Variants in RUNX1 observed in about 807,000 individuals in gnomAD.
The protein encoded by RUNX1 is RUNX family transcription factor 1, also known as runt-related transcription factor 1.
Under a neutral mutation model 42.8 loss-of-function variants are expected in RUNX1, and 19 were observed. The ratio of observed to expected loss-of-function variants is 0.44; its 90% CI spans 0.31 to 0.65. The LOEUF is 0.65. Among genes scored for constraint, RUNX1 ranks in the 30% least tolerant of loss-of-function variants. The pLI is 0.07. For missense variants in RUNX1, 528 were observed against 672.0 expected, an observed-to-expected ratio of 0.79 and a Z score of 2.37; for synonymous variants, 271 against 289.4, an observed-to-expected ratio of 0.94 and a Z score of 0.64.
intron 7 of RUNX1, among the ~76,000 whole-genome samples, chr21:34,813,541 T>C (rs2056785331): frequency 6.6e-6 from 1 of 151,910 alleles, no homozygotes; most frequent in African/African-American, 2.4e-5. Context: ...TCCATCCCCA[T>C]GTAAGGTTTA....
chr21:35,019,101 C>T (rs971662967), intron 2 of RUNX1, among the ~76,000 whole-genome samples: 2 of 152,200 alleles, frequency 1.3e-5, no homozygotes, highest in African/African-American at 4.8e-5. Context: ...CTTAGATTGG[C>T]CTGGGCTAAC....
chr21:34,982,761 G>A (rs933998749), intron 2 of RUNX1, among the ~76,000 whole-genome samples: 37 of 152,038 alleles, frequency 2.4e-4, no homozygotes, highest in African/African-American at 8.5e-4. Context: ...GTAGAGACGG[G>A]GTTTCACCAT....
chr21:35,027,096 G>T (rs2146961985), intron 2 of RUNX1, among the ~76,000 whole-genome samples: 1 of 152,280 alleles, frequency 6.6e-6, no homozygotes, highest in East Asian at 1.9e-4. Context: ...AAACTCTGCA[G>T]GTGCAGCCGC....
intron 7 of RUNX1, among the ~76,000 whole-genome samples, chr21:34,803,665 ATTTTGTGATGGGTTATTTTCAGC>A (rs1227302527): frequency 6.6e-6 from 1 of 152,170 alleles, no homozygotes; most frequent in Non-Finnish European, 1.5e-5. Flanking sequence ...TACTGAGGCC[ATTTTGTGATGGGTTATTTTCAGC>A]TTTTTAATCA....
intron 2 of RUNX1, among the ~76,000 whole-genome samples, chr21:34,982,663 G>A (rs898790495): frequency 3.3e-5 from 5 of 152,108 alleles, no homozygotes; most frequent in South Asian, 2.1e-4. Context: ...TCCGCCACCC[G>A]GGTTCAAGTG....
At chr21:34,951,356 C>G (rs1489917210) in intron 2 of RUNX1, among the ~76,000 whole-genome samples, 1 of 152,186 alleles carries the variant, frequency 6.6e-6, no homozygotes, top group Non-Finnish European at 1.5e-5. Flanking sequence ...TATGGAAGCT[C>G]TTTAGTTTAA....
At position 34,789,462 on chromosome 21, in the gene RUNX1, C is replaced by T. The variant is rs957495209; in HGVS notation, c.*2673G>A. ...AGAAATGGCTTATTCAATACTTCTC[C>T]TGGACCAGACACATGCAGTTATTAC... is the stretch of plus-strand genomic sequence containing the variant. On this transcript the variant is annotated 3_prime_UTR_variant, in exon 9 of 9. Coordinates refer to ENST00000675419, the MANE Select transcript of RUNX1 (RefSeq NM_001754.5). 8.6e-6 allele frequency: 2 copies of T among 233,490 alleles called. No individual in the cohort carries two copies. The highest frequency in any genetic ancestry group is 4.4e-5 in the African/African-American group (2 of 45,304). The allele number at this position is 233,490 out of a possible 1,614,324, so 14.5% of individuals were successfully genotyped here.
chr21:34,988,797 G>C (rs975709161), intron 2 of RUNX1, among the ~76,000 whole-genome samples: 2 of 152,160 alleles, frequency 1.3e-5, no homozygotes, highest in African/African-American at 4.8e-5. Flanking sequence ...TGCACATGAG[G>C]TTGTTTGAGA....
intron 6 of RUNX1, among the ~76,000 whole-genome samples, chr21:34,853,064 G>A (rs1182139417): frequency 6.6e-6 from 1 of 152,180 alleles, no homozygotes; most frequent in African/African-American, 2.4e-5. Flanking sequence ...CCACTACTCT[G>A]CAGGTCACTC....
chr21:35,043,896 C>T (rs2059378051), intron 2 of RUNX1, among the ~76,000 whole-genome samples: 1 of 152,132 alleles, frequency 6.6e-6, no homozygotes, highest in Non-Finnish European at 1.5e-5. Flanking sequence ...GCCCAGAGAA[C>T]CTGCTCAAAG....
chr21:34,888,775 G>T (rs909972908), intron 3 of RUNX1: 1 of 807,982 alleles, frequency 1.2e-6, no homozygotes, highest in Non-Finnish European at 1.5e-6. Context: ...GCATAGGGGC[G>T]GCCGGCGGCC....
At chr21:35,031,071 G>A (rs1205127583) in intron 2 of RUNX1, among the ~76,000 whole-genome samples, 3 of 152,180 alleles carry the variant, frequency 2.0e-5, no homozygotes, top group South Asian at 2.1e-4. Context: ...AGAGATGGCC[G>A]GGTGCGGTGG....
At chr21:34,794,549 C>T (rs916593208) in intron 8 of RUNX1, among the ~76,000 whole-genome samples, 1 of 152,200 alleles carries the variant, frequency 6.6e-6, no homozygotes, top group African/African-American at 2.4e-5. Context: ...AAAGCTTTGT[C>T]TCTAAAACTC....
chr21:34,887,600 C>T (rs2058017707), intron 3 of RUNX1: 6 of 1,089,956 alleles, frequency 5.5e-6, no homozygotes, highest in Non-Finnish European at 6.7e-6. Flanking sequence ...AATTATCTCC[C>T]GTAACAAGGC....
chr21:34,946,944 T>G (rs1433348628), intron 2 of RUNX1, among the ~76,000 whole-genome samples: 1 of 152,226 alleles, frequency 6.6e-6, no homozygotes, highest in Non-Finnish European at 1.5e-5. Flanking sequence ...CCCTTGGGTC[T>G]GTAATGAGCT....
rs757021981 is a variant in RUNX1, at chr21:34,928,953, A to G, written c.59-35990T>C. On this transcript the variant is annotated intron_variant, in intron 2 of 8. Coordinates refer to ENST00000675419, the MANE Select transcript of RUNX1 (RefSeq NM_001754.5). Reference sequence around the variant, plus strand: ...GAGTATTGCAAGCTTATTTCTACAGATTTTTTTTGGGGGGGGGGGTAGATT... The same window carrying G: ...GAGTATTGCAAGCTTATTTCTACAGGTTTTTTTTGGGGGGGGGGGTAGATT... 8.5e-4 allele frequency among the ~76,000 whole-genome samples: 61 copies of G among 71,936 alleles called. 1 individual carries two copies. The highest frequency in any genetic ancestry group is 2.8e-3 in the African/African-American group (61 of 22,004). The allele number at this position is 71,936 out of a possible 152,430, so 47.2% of individuals were successfully genotyped here. A position where few individuals can be genotyped will look rare whatever the true frequency, so the allele number is the denominator to read the frequency against.
chr21:35,027,386 A>G (rs762566397), intron 2 of RUNX1, among the ~76,000 whole-genome samples: 5 of 152,232 alleles, frequency 3.3e-5, no homozygotes, highest in African/African-American at 4.8e-5. Context: ...CTGCACTTCT[A>G]ACAAGTTCCC....
intron 2 of RUNX1, among the ~76,000 whole-genome samples, chr21:35,030,989 C>T (rs545606135): frequency 1.1e-3 from 173 of 152,268 alleles, no homozygotes; most frequent in African/African-American, 4.0e-3. Context: ...AACATCACTC[C>T]TCATCATGCA....
At chr21:34,978,650 C>T (rs17227161) in intron 2 of RUNX1, among the ~76,000 whole-genome samples, 19,386 of 151,988 alleles carry the variant, frequency 0.13, 1,590 homozygotes, top group South Asian at 0.23. Context: ...TTAAAAAGCA[C>T]GAAACTTTTC....
Sources: gnomAD v4.1 joint callset for allele counts (sites outside exome capture counted in the v4.1 genomes callset) on GRCh38, gnomAD v4.1.1 for gene constraint, MANE v1.5 for transcripts, NCBI Gene and HGNC (gene_info 2026-07-23, HGNC 2026-07-21) for gene names.